Variants in FBLN2 observed in about 807,000 individuals in gnomAD.
FBLN2 encodes fibulin-2.
Under a neutral mutation model 123.7 loss-of-function variants are expected in FBLN2, and 81 were observed. The ratio of observed to expected loss-of-function variants is 0.65; its 90% CI spans 0.55 to 0.79. The LOEUF is 0.79. FBLN2 is among the 30% of genes least tolerant of loss of function. The probability of loss-of-function intolerance (pLI) is 0.00; values close to 1 mark genes in which losing one functional copy is unlikely to be tolerated. For synonymous variants in FBLN2, 699 were observed against 701.4 expected (o/e 1.00, Z 0.05); for missense variants, 1,603 against 1,681.3 (o/e 0.95, Z 0.81).
At chr3:13,594,568 C>T (rs767850371) in intron 2 of FBLN2, among the ~76,000 whole-genome samples, 1 of 152,220 alleles carries the variant, frequency 6.6e-6, no homozygotes, top group Non-Finnish European at 1.5e-5. Context: ...GGGCACATCA[C>T]TCTGCCTCCC....
intron 1 of FBLN2, among the ~76,000 whole-genome samples, chr3:13,550,184 G>A (rs1381373119): frequency 6.6e-6 from 1 of 152,208 alleles, no homozygotes; most frequent in African/African-American, 2.4e-5. Context: ...CCCTGTCCTA[G>A]GGGGTGGGGA....
At chr3:13,576,380 C>A (rs1313602069) in intron 2 of FBLN2, among the ~76,000 whole-genome samples, 1 of 152,228 alleles carries the variant, frequency 6.6e-6, no homozygotes, top group African/African-American at 2.4e-5. Flanking sequence ...TGGTTCATCT[C>A]TGCCTTCCCA....
chr3:13,550,117 CACAG>C (rs1703281769), intron 1 of FBLN2, among the ~76,000 whole-genome samples: 1 of 152,216 alleles, frequency 6.6e-6, no homozygotes, highest in South Asian at 2.1e-4. Flanking sequence ...ACATACGAGT[CACAG>C]ACCCCCACGA....
intron 2 of FBLN2, among the ~76,000 whole-genome samples, chr3:13,578,368 C>T (rs984207560): frequency 1.2e-4 from 19 of 152,158 alleles, no homozygotes; most frequent in African/African-American, 4.6e-4. Context: ...CTCTTTCTCC[C>T]AGTCCCCGGT....
intron 4 of FBLN2, among the ~76,000 whole-genome samples, chr3:13,610,812 A>T (rs1019438276): frequency 1.3e-5 from 2 of 152,232 alleles, no homozygotes; most frequent in African/African-American, 4.8e-5. Flanking sequence ...GCACAGGCAT[A>T]GTGGTCTTGC....
At chr3:13,549,599 G>A (rs1029875868) in intron 1 of FBLN2, among the ~76,000 whole-genome samples, 1 of 97,038 alleles carries the variant, frequency 1.0e-5, no homozygotes, top group African/African-American at 4.1e-5. Context: ...GCAGGACCTT[G>A]CCGCCCCTCC....
chr3:13,575,835 C>T (rs1437299395), intron 2 of FBLN2, among the ~76,000 whole-genome samples: 2 of 152,218 alleles, frequency 1.3e-5, no homozygotes, highest in Non-Finnish European at 2.9e-5. Context: ...TGTTCCGCTC[C>T]TCCCCCATCC....
intron 2 of FBLN2, 132 bp downstream of exon 2, chr3:13,571,793 C>T: frequency 1.9e-6 from 2 of 1,043,208 alleles, no homozygotes; most frequent in East Asian, 2.6e-5. Flanking sequence ...GTGGCCACCC[C>T]AGGCCCTTGG....
At chr3:13,588,567 A>G (rs1704577968) in intron 2 of FBLN2, among the ~76,000 whole-genome samples, 1 of 152,204 alleles carries the variant, frequency 6.6e-6, no homozygotes, top group South Asian at 2.1e-4. Flanking sequence ...GGCTGCTCCC[A>G]GGGTACCTGC....
At chr3:13,609,679 T>TGGGGTTGGGGGGGGG in intron 4 of FBLN2, 37 bp downstream of exon 4, 1 of 80,284 alleles carries the variant, frequency 1.2e-5, no homozygotes. Context: ...CAGGGTGGGG[T>TGGGGTTGGGGGGGGG]GGGGCGGGGC....
rs371728000 is a variant in FBLN2 at position 13,570,880 on chromosome 3, C to T, written c.525C>T (p.Pro175=). The change falls in exon 2 of 18, where the codon CCC becomes CCT. Residue 175 remains proline (P), a synonymous_variant. Transcript: ENST00000404922. ...AGGELICYQL[P]GCHGNFSDAE... is the part of the protein sequence containing the mutation. ...GAGAGCTCATCTGCTACCAGCTCCC[C>T]GGTTGCCACGGGAACTTCTCAGATG... 162 of 1,611,502 alleles carry T rather than the reference C, an allele frequency of 1.0e-4. 1 individual carries two copies. The highest frequency in any genetic ancestry group is 3.2e-4 in the South Asian group (29 of 90,670).
chr3:13,596,470 G>C (rs1472829979), intron 2 of FBLN2, among the ~76,000 whole-genome samples: 1 of 152,204 alleles, frequency 6.6e-6, no homozygotes, highest in South Asian at 2.1e-4. Context: ...GTGTTCATGG[G>C]AGCATCTCAT....
Position 13,570,786 on chromosome 3 carries a change from A to G in FBLN2, c.431A>G (p.His144Arg), listed in dbSNP as rs28587534. The change falls in exon 2 of 18, where the codon CAC becomes CGC. Residue 144 changes from histidine to arginine, a missense_variant. Transcript: ENST00000404922. ...CGQVGCVHAG[H>R]KYAAGHTVHL... ...CAGGTGGGCTGCGTCCACGCGGGCC[A>G]CAAGTACGCCGCTGGCCACACTGTT... 41,842 of 1,598,028 alleles carry G rather than the reference A, an allele frequency of 0.026. 5,012 individuals carry two copies. The African/African-American group carries it at 0.35, about 13-fold the overall frequency.
chr3:13,614,826 A>G (rs111210245), intron 5 of FBLN2, among the ~76,000 whole-genome samples: 1,670 of 147,594 alleles, frequency 0.011, 32 homozygotes, highest in African/African-American at 0.04. Flanking sequence ...CCATTTATCC[A>G]TCTACCTACC....
chr3:13,631,532 A>C, intron 16 of FBLN2, 75 bp downstream of exon 16: 1,257 of 1,470,440 alleles, frequency 8.5e-4, no homozygotes, highest in Non-Finnish European at 1.1e-3. Context: ...AGAAAAGCTC[A>C]CACAGCTTGC....
intron 1 of FBLN2, among the ~76,000 whole-genome samples, chr3:13,554,062 AT>A (rs1703400433): frequency 1.3e-5 from 2 of 152,258 alleles, no homozygotes; most frequent in African/African-American, 4.8e-5. Context: ...ATCATGAGGG[AT>A]TTGTCTCCTA....
At chr3:13,608,605 C>T (rs1705285973) in intron 3 of FBLN2, among the ~76,000 whole-genome samples, 1 of 152,148 alleles carries the variant, frequency 6.6e-6, no homozygotes, top group Admixed American at 6.5e-5. Flanking sequence ...TCTCACTGTG[C>T]TCCCTTGCTG....
At chr3:13,604,468 C>T (rs749242246) in intron 2 of FBLN2, among the ~76,000 whole-genome samples, 24 of 152,246 alleles carry the variant, frequency 1.6e-4, no homozygotes, top group Non-Finnish European at 2.9e-4. Flanking sequence ...CCAGTTTTCC[C>T]AGCACCGTTT....
At chr3:13,626,392 C>CA (rs1706037701) in intron 9 of FBLN2, 53 bp from the exon 10 acceptor site, 1 of 1,468,488 alleles carries the variant, frequency 6.8e-7, no homozygotes, top group African/African-American at 1.4e-5. Flanking sequence ...TGGCTGCACT[C>CA]AGCCACTGTC....
Sources: allele counts gnomAD v4.1 joint callset (sites outside exome capture counted in the v4.1 genomes callset), GRCh38; gene constraint gnomAD v4.1.1; transcripts MANE v1.5; gene names NCBI Gene and HGNC (gene_info 2026-07-23, HGNC 2026-07-21).